The following MSANTD3 variants were observed in gnomAD, a reference collection of about 807,000 sequenced individuals.
MSANTD3 encodes the protein Myb/SANT DNA binding domain containing 3.
In MSANTD3, 11 loss-of-function variants were observed where a neutral mutation model predicts 27.7. The ratio of observed to expected loss-of-function variants is 0.40; its 90% confidence interval spans 0.25 to 0.66. MSANTD3 has a LOEUF of 0.66. MSANTD3 is among the 30% of genes least tolerant of loss of function. MSANTD3 has a pLI of 0.41. For missense variants in MSANTD3, 250 were observed against 336.5 expected (o/e 0.74, Z 2.01); for synonymous variants, 131 against 127.2 (o/e 1.03, Z -0.20).
At position 100,451,601 on chromosome 9, in the gene MSANTD3, G is replaced by C. The variant is rs1836891106; in HGVS notation, c.*635G>C. The C allele has an allele frequency of 6.6e-6, 1 of 151,576 alleles. No homozygotes were observed. The allele number at this position is 151,576 out of a possible 1,614,324, so 9.4% of individuals were successfully genotyped here. On this transcript the variant is annotated 3_prime_UTR_variant, in exon 3 of 3. Transcript: ENST00000395067. Reference sequence around the variant, plus strand: ...CCTTTTAAGGCCTTTCCTCAAACAGGAGTTCTAAATAAGTCTCCAACAATA... The same window carrying C: ...CCTTTTAAGGCCTTTCCTCAAACAGCAGTTCTAAATAAGTCTCCAACAATA...
chr9:100,435,226 A>T (rs1252119982), intron 1 of MSANTD3, among the ~76,000 whole-genome samples: 1 of 152,174 alleles, frequency 6.6e-6, no homozygotes, highest in Non-Finnish European at 1.5e-5. Flanking sequence ...TGAGGGGTAA[A>T]GTCAGGATTT....
intron 1 of MSANTD3, among the ~76,000 whole-genome samples, chr9:100,440,572 G>C (rs902452911): frequency 1.1e-4 from 17 of 150,988 alleles, no homozygotes; most frequent in Admixed American, 4.0e-4. Flanking sequence ...ACATGCCACA[G>C]AGTGATGAAA....
intron 1 of MSANTD3, among the ~76,000 whole-genome samples, chr9:100,440,147 T>G (rs1254269597): frequency 2.6e-5 from 4 of 152,320 alleles, no homozygotes; most frequent in Admixed American, 2.6e-4. Flanking sequence ...AAGCACCTGT[T>G]GTGTGAAACA....
chr9:100,439,602 C>T (rs561331842), intron 1 of MSANTD3, among the ~76,000 whole-genome samples: 73 of 151,846 alleles, frequency 4.8e-4, no homozygotes, highest in African/African-American at 1.5e-3. Context: ...CTCCGCCCCC[C>T]GGGGTCAAGC....
chr9:100,449,091 T>C, intron 2 of MSANTD3: 1 of 985,370 alleles, frequency 1.0e-6, no homozygotes, highest in Non-Finnish European at 1.2e-6. Flanking sequence ...ATTGGCATTG[T>C]TTTTCTCCAA....
At chr9:100,437,207 C>G (rs1215831011) in intron 1 of MSANTD3, among the ~76,000 whole-genome samples, 1 of 151,928 alleles carries the variant, frequency 6.6e-6, no homozygotes, top group African/African-American at 2.4e-5. Context: ...AGTTTGAAAT[C>G]GAGAGGAGGT....
intron 2 of MSANTD3, among the ~76,000 whole-genome samples, chr9:100,443,256 G>T (rs1046754105): frequency 6.6e-6 from 1 of 151,936 alleles, no homozygotes; most frequent in African/African-American, 2.4e-5. Context: ...AAAATTAGCC[G>T]GGCGTGGTGG....
At chr9:100,450,417 C>A in intron 2 of MSANTD3, 140 bp from the exon 3 acceptor site, 1 of 723,306 alleles carries the variant, frequency 1.4e-6, no homozygotes. Context: ...GCTAGGGTCC[C>A]TGTAGACATG....
chr9:100,441,489 A>T (rs1015301051), intron 1 of MSANTD3, among the ~76,000 whole-genome samples: 2 of 151,422 alleles, frequency 1.3e-5, no homozygotes, highest in Admixed American at 1.3e-4. Context: ...CAAAAAAAAA[A>T]TTAGCCGGGC....
chr9:100,446,075 G>A (rs1361307691), intron 2 of MSANTD3, among the ~76,000 whole-genome samples: 1 of 152,122 alleles, frequency 6.6e-6, no homozygotes, highest in African/African-American at 2.4e-5. Flanking sequence ...GCTAGGAGTG[G>A]CTGGGAGGCT....
Position 100,442,062 on chromosome 9 carries a change from A to G in MSANTD3, c.124A>G (p.Ile42Val), listed in dbSNP as rs1434310353. Residue 42 changes from isoleucine to valine, a missense_variant, in exon 2 of 3, where the codon ATT becomes GTT. Transcript: ENST00000395067. ...ATGTAAGAAAAGTGATGCGCGAACT[A>G]TTGCCCTTAAGCAGCGTACCTGGCA... ...LECKKSDART[I>V]ALKQRTWQAL... 4 of 1,614,226 alleles carry G rather than the reference A, an allele frequency of 2.5e-6. No individual in the cohort carries two copies. Among genetic ancestry groups the G allele is most frequent in the East Asian group, 2.2e-5 (1 of 44,886 alleles).
chr9:100,432,692 T>C (rs755403233), intron 1 of MSANTD3, among the ~76,000 whole-genome samples: 37 of 152,178 alleles, frequency 2.4e-4, no homozygotes, highest in Admixed American at 1.6e-3. Context: ...ACTGCTTAAC[T>C]TGCACAGTTA....
intron 2 of MSANTD3, chr9:100,448,533 T>C: frequency 1.0e-6 from 1 of 985,418 alleles, no homozygotes; most frequent in Non-Finnish European, 1.2e-6. Flanking sequence ...TTCTCCATGG[T>C]TGGGCGTGTT....
At chr9:100,430,095 CA>C (rs34052606) in intron 1 of MSANTD3, among the ~76,000 whole-genome samples, 1,268 of 110,978 alleles carry the variant, frequency 0.011, 7 homozygotes, top group African/African-American at 0.032. Context: ...CTCTCTCTCT[CA>C]AAAAAAAAAA....
Position 100,427,170 on chromosome 9 carries a change from G to A in MSANTD3, c.-257G>A, listed in dbSNP as rs987430318. On this transcript the variant is annotated 5_prime_UTR_variant, in exon 1 of 3. Coordinates refer to ENST00000395067, the MANE Select transcript of MSANTD3 (RefSeq NM_080655.3). ...CGGCGGCGCCGACGGACCGGCAGGC[G>A]GCGGGCGGTCCGCGAGGGGGCGGCG... 2 of 147,288 alleles carry A rather than the reference G, an allele frequency of 1.4e-5. No individual in the cohort carries two copies. The highest frequency in any genetic ancestry group is 4.9e-5 in the African/African-American group (2 of 40,886). The allele number at this position is 147,288 out of a possible 1,614,324, so 9.1% of individuals were successfully genotyped here.
intron 1 of MSANTD3, among the ~76,000 whole-genome samples, chr9:100,428,240 G>T (rs1380030259): frequency 6.6e-6 from 1 of 152,202 alleles, no homozygotes; most frequent in East Asian, 1.9e-4. Context: ...CGTTCCTGCA[G>T]TATCGAGGAG....
chr9:100,442,359 A>G lies in MSANTD3; in HGVS notation c.418+3A>G. On this transcript the variant is annotated splice_donor_region_variant and intron_variant, in intron 2 of 2. Coordinates refer to ENST00000395067, the MANE Select transcript of MSANTD3 (RefSeq NM_080655.3). ...CCACCCCGACGCCTCAGCCCAAGGT[A>G]TCCGTTCCTGATGCCAGTGTGCACG... is the stretch of plus-strand genomic sequence containing the variant. 6.2e-7 allele frequency: 1 copy of G among 1,606,484 alleles called. No individual in the cohort carries two copies. Among genetic ancestry groups the G allele is most frequent in the Non-Finnish European group, 8.5e-7 (1 of 1,176,938 alleles).
Position 100,442,169 on chromosome 9 carries a change from C to T in MSANTD3, c.231C>T (p.Ile77=). 1 of 1,614,118 alleles carries T rather than the reference C, an allele frequency of 6.2e-7. No homozygotes were observed. Among genetic ancestry groups the T allele is most frequent in the Non-Finnish European group, 8.5e-7 (1 of 1,180,018 alleles). The change falls in exon 2 of 3, where the codon ATC becomes ATT. Residue 77 remains isoleucine, a synonymous_variant. Coordinates refer to ENST00000395067, the MANE Select transcript of MSANTD3 (RefSeq NM_080655.3). ...FKQLKKCWEN[I]KARTKKIMAH... ...AGCTGAAGAAGTGCTGGGAGAACATCAAGGCTCGGACCAAAAAAATTATGG... is the reference window on the plus strand; with the variant it reads ...AGCTGAAGAAGTGCTGGGAGAACATTAAGGCTCGGACCAAAAAAATTATGG...
At chr9:100,448,740 G>A in intron 2 of MSANTD3, 1 of 985,440 alleles carries the variant, frequency 1.0e-6, no homozygotes, top group South Asian at 4.7e-5. Context: ...CCAGGAGGCA[G>A]TGGGAGCATG....
Sources: gnomAD v4.1 joint callset for allele counts (sites outside exome capture counted in the v4.1 genomes callset) on GRCh38, gnomAD v4.1.1 for gene constraint, MANE v1.5 for transcripts, NCBI Gene and HGNC (gene_info 2026-07-23, HGNC 2026-07-21) for gene names.